The following SYNPO2 variants were observed in gnomAD, a reference collection of about 807,000 sequenced individuals.
SYNPO2 encodes the protein synaptopodin 2.
Under a neutral mutation model 85.0 loss-of-function variants are expected in SYNPO2, and 56 were observed. That is an observed-to-expected ratio of 0.66 (90% CI 0.53 to 0.82). SYNPO2 has a LOEUF of 0.82. Among genes scored for constraint, SYNPO2 ranks in the 40% least tolerant of loss-of-function variants. The pLI, the probability that SYNPO2 is intolerant of heterozygous loss-of-function variation, is 0.00. For missense variants in SYNPO2, 1,575 were observed against 1,534.2 expected (o/e 1.03, Z -0.44); for synonymous variants, 602 against 591.1 (o/e 1.02, Z -0.27).
At chr4:118,969,918 T>C (rs1049897201) in intron 1 of SYNPO2, among the ~76,000 whole-genome samples, 1 of 152,146 alleles carries the variant, frequency 6.6e-6, no homozygotes, top group Non-Finnish European at 1.5e-5. Context: ...GAATGTTCTA[T>C]TGTTTGCATT....
At chr4:118,854,627 A>G (rs1257988524) in intron 1 of SYNPO2, among the ~76,000 whole-genome samples, 1 of 152,186 alleles carries the variant, frequency 6.6e-6, no homozygotes, top group Non-Finnish European at 1.5e-5. Flanking sequence ...AATCAATACG[A>G]ATTTTAGTGA....
At chr4:118,885,479 T>TTC (rs1422090165), upstream of SYNPO2, among the ~76,000 whole-genome samples, 3 of 151,340 alleles carry the variant, frequency 2.0e-5, no homozygotes. Context: ...CTTTTTTTTT[T>TTC]TTTTTCTTTC....
At chr4:118,949,741 T>G (rs1424261280) in intron 1 of SYNPO2, among the ~76,000 whole-genome samples, 1 of 150,164 alleles carries the variant, frequency 6.7e-6, no homozygotes, top group East Asian at 2.2e-4. Context: ...AGAGCAAGAC[T>G]CTGTCTCAAA....
At chr4:119,033,408 C>G (rs1738368893) in intron 4 of SYNPO2, 1 of 985,292 alleles carries the variant, frequency 1.0e-6, no homozygotes. Flanking sequence ...TGTCACCCAG[C>G]TGGCTATGAA....
intron 1 of SYNPO2, among the ~76,000 whole-genome samples, chr4:118,863,867 A>C (rs1731659564): frequency 6.6e-6 from 1 of 152,202 alleles, no homozygotes; most frequent in African/African-American, 2.4e-5. Context: ...TCAGCCTCCC[A>C]AAATGCTGGG....
At chr4:119,032,893 A>C in intron 4 of SYNPO2, 2 of 918,584 alleles carry the variant, frequency 2.2e-6, no homozygotes, top group Non-Finnish European at 2.6e-6. Context: ...AGTAAATGGG[A>C]TAAGGAAAGA....
At chr4:118,975,862 C>A (rs2149159272) in intron 1 of SYNPO2, among the ~76,000 whole-genome samples, 1 of 152,334 alleles carries the variant, frequency 6.6e-6, no homozygotes, top group Non-Finnish European at 1.5e-5. Flanking sequence ...TTTCATTCTC[C>A]TGCCACTAGC....
intron 1 of SYNPO2, among the ~76,000 whole-genome samples, chr4:118,980,043 T>C (rs1214853426): frequency 3.9e-5 from 6 of 152,184 alleles, no homozygotes; most frequent in Admixed American, 1.3e-4. Flanking sequence ...AAGAATAAAG[T>C]TGGATACATT....
intron 1 of SYNPO2, among the ~76,000 whole-genome samples, chr4:118,944,588 G>C (rs1009130677): frequency 6.6e-6 from 1 of 151,968 alleles, no homozygotes; most frequent in Non-Finnish European, 1.5e-5. Flanking sequence ...TCTATGTTAC[G>C]GCGATGGTTC....
intron 1 of SYNPO2, among the ~76,000 whole-genome samples, chr4:118,866,514 T>C (rs1731702048): frequency 6.6e-6 from 1 of 152,218 alleles, no homozygotes; most frequent in African/African-American, 2.4e-5. Context: ...CTGGCCCTAG[T>C]TGGTTGAGCA....
intron 1 of SYNPO2, among the ~76,000 whole-genome samples, chr4:118,979,974 C>T (rs1735945164): frequency 6.6e-6 from 1 of 152,200 alleles, no homozygotes; most frequent in African/African-American, 2.4e-5. Context: ...TCAACCATCA[C>T]TCATCCACAC....
chr4:118,867,518 T>C (rs1027175961), intron 1 of SYNPO2, among the ~76,000 whole-genome samples: 20 of 151,534 alleles, frequency 1.3e-4, no homozygotes, highest in Admixed American at 4.0e-4. Context: ...TACTACCCTG[T>C]TGCAAAAGTG....
intron 1 of SYNPO2, among the ~76,000 whole-genome samples, chr4:118,881,445 C>T (rs1732097803): frequency 6.6e-6 from 1 of 152,186 alleles, no homozygotes; most frequent in Non-Finnish European, 1.5e-5. Context: ...ACCTTGATCT[C>T]AGATTTCCAG....
At chr4:119,026,567 T>G in intron 2 of SYNPO2, 60 bp from the exon 3 acceptor site, 1 of 1,499,606 alleles carries the variant, frequency 6.7e-7, no homozygotes, top group Non-Finnish European at 8.9e-7. Flanking sequence ...TGTCAGGAAG[T>G]TCTTTGGCAG....
At position 119,021,049 on chromosome 4, in the gene SYNPO2, T is replaced by A. The variant is rs895536277; in HGVS notation, c.106-2381T>A. Among the ~76,000 whole-genome samples, 4 of 152,290 alleles carry A rather than the reference T, an allele frequency of 2.6e-5. No homozygotes were observed. The East Asian group carries it at 5.8e-4, about 22-fold the overall frequency. On this transcript the variant is annotated intron_variant, in intron 1 of 4. Transcript: ENST00000307142. ...TAGTATATTCCAAAAATAAATTATATTTTCCAATAAATTAGTATATTCTTC... is the reference window on the plus strand; with the variant it reads ...TAGTATATTCCAAAAATAAATTATAATTTCCAATAAATTAGTATATTCTTC...
At chr4:118,987,147 T>C (rs1382203934) in intron 1 of SYNPO2, among the ~76,000 whole-genome samples, 1 of 152,198 alleles carries the variant, frequency 6.6e-6, no homozygotes, top group Non-Finnish European at 1.5e-5. Context: ...AAATGTTAAT[T>C]GACTCCTCAA....
chr4:118,916,452 G>A (rs762997854), intron 1 of SYNPO2, among the ~76,000 whole-genome samples: 1 of 151,746 alleles, frequency 6.6e-6, no homozygotes. Flanking sequence ...GGACTACAGG[G>A]GTGAGTCACA....
chr4:118,923,114 C>T (rs17050283), intron 1 of SYNPO2, among the ~76,000 whole-genome samples: 130,400 of 152,038 alleles, frequency 0.86, 55,990 homozygotes, highest in Middle Eastern at 0.94. Flanking sequence ...AGAAAATTGG[C>T]GTTTCCTGGC....
At chr4:118,949,183 G>A (rs940056614) in intron 1 of SYNPO2, among the ~76,000 whole-genome samples, 6 of 152,162 alleles carry the variant, frequency 3.9e-5, no homozygotes, top group East Asian at 1.9e-4. Context: ...ACAATGGTTC[G>A]TGGACCTCTA....
Sources: gnomAD v4.1 joint callset for allele counts (sites outside exome capture counted in the v4.1 genomes callset) on GRCh38, gnomAD v4.1.1 for gene constraint, MANE v1.5 for transcripts, NCBI Gene and HGNC (gene_info 2026-07-23, HGNC 2026-07-21) for gene names.